Variants in GRIA1 observed in about 807,000 individuals in gnomAD.
The protein encoded by GRIA1 is glutamate receptor 1.
A neutral mutation model predicts 99.2 loss-of-function variants in GRIA1; 31 were observed. The observed-to-expected ratio is 0.31, with a 90% confidence interval of 0.23 to 0.42. GRIA1 has a LOEUF of 0.42. GRIA1 is among the 10% of genes least tolerant of loss of function. The pLI is 1.00. For missense variants in GRIA1, 782 were observed against 1,157.5 expected, an observed-to-expected ratio of 0.68 and a Z score of 4.71; for synonymous variants, 438 against 432.4, an observed-to-expected ratio of 1.01 and a Z score of -0.16.
At chr5:153,501,570 G>C (rs556103582) in intron 2 of GRIA1, among the ~76,000 whole-genome samples, 2 of 152,196 alleles carry the variant, frequency 1.3e-5, no homozygotes, top group African/African-American at 4.8e-5. Flanking sequence ...AAGCAGAGAA[G>C]TGCCGTGTTT....
intron 11 of GRIA1, among the ~76,000 whole-genome samples, chr5:153,722,592 T>G (rs896166099): frequency 5.3e-4 from 80 of 152,362 alleles, no homozygotes; most frequent in African/African-American, 1.8e-3. Flanking sequence ...TGTATACCAC[T>G]TTCACATAAA....
chr5:153,767,358 T>C (rs1239830295), intron 12 of GRIA1, among the ~76,000 whole-genome samples: 1 of 152,138 alleles, frequency 6.6e-6, no homozygotes, highest in African/African-American at 2.4e-5. Flanking sequence ...ATATAAAGCC[T>C]AAAATGAGGG....
At chr5:153,666,954 T>C (rs1276729604) in intron 5 of GRIA1, among the ~76,000 whole-genome samples, 4 of 152,170 alleles carry the variant, frequency 2.6e-5, no homozygotes, top group Admixed American at 2.6e-4. Context: ...TCACTTACTT[T>C]CTTGGTCTTC....
At chr5:153,584,704 GA>G (rs1763322322) in intron 2 of GRIA1, among the ~76,000 whole-genome samples, 1 of 152,128 alleles carries the variant, frequency 6.6e-6, no homozygotes, top group South Asian at 2.1e-4. Context: ...ATGGAAATAT[GA>G]AGCCTGTTAT....
intron 13 of GRIA1, among the ~76,000 whole-genome samples, chr5:153,778,211 G>T (rs1029336553): frequency 2.0e-5 from 3 of 151,668 alleles, no homozygotes; most frequent in African/African-American, 7.3e-5. Flanking sequence ...GTGTGTGTGT[G>T]TGTGTGTGTG....
chr5:153,584,038 T>C (rs1442663050), intron 2 of GRIA1, among the ~76,000 whole-genome samples: 1 of 152,194 alleles, frequency 6.6e-6, no homozygotes, highest in Non-Finnish European at 1.5e-5. Context: ...ACTACTCCAG[T>C]GTAACTAGAG....
chr5:153,743,648 T>C (rs1377980139), intron 11 of GRIA1, among the ~76,000 whole-genome samples: 1 of 152,098 alleles, frequency 6.6e-6, no homozygotes, highest in African/African-American at 2.4e-5. Context: ...CTTCCTCTTC[T>C]TCCTCCAGAT....
chr5:153,591,966 G>A (rs1430675589), intron 2 of GRIA1, among the ~76,000 whole-genome samples: 2 of 152,168 alleles, frequency 1.3e-5, no homozygotes, highest in African/African-American at 4.8e-5. Flanking sequence ...ACCCCTTTTA[G>A]TGTGTGAGGA....
At chr5:153,758,453 C>G (rs937845354) in intron 11 of GRIA1, among the ~76,000 whole-genome samples, 2 of 151,464 alleles carry the variant, frequency 1.3e-5, no homozygotes, top group African/African-American at 4.8e-5. Flanking sequence ...AAAATTATAA[C>G]AAAAAAGACA....
chr5:153,681,021 A>G (rs1756934564), intron 7 of GRIA1, among the ~76,000 whole-genome samples: 1 of 152,368 alleles, frequency 6.6e-6, no homozygotes, highest in South Asian at 2.1e-4. Context: ...TGGATAATGT[A>G]TAAAGAAAAA....
chr5:153,679,810 C>T (rs978974228), intron 7 of GRIA1, among the ~76,000 whole-genome samples: 26 of 152,294 alleles, frequency 1.7e-4, no homozygotes, highest in African/African-American at 6.0e-4. Flanking sequence ...TGTGTTAGAC[C>T]TGGGTTGTCT....
At chr5:153,741,252 G>A (rs1761764953) in intron 11 of GRIA1, among the ~76,000 whole-genome samples, 1 of 152,118 alleles carries the variant, frequency 6.6e-6, no homozygotes, top group African/African-American at 2.4e-5. Context: ...GGGATTACAG[G>A]CGTGAGCCAC....
At position 153,811,084 on chromosome 5, in the gene GRIA1, C is replaced by T. The variant is rs1367962573; in HGVS notation, c.2580C>T (p.Pro860=). The change falls in exon 16 of 16, where the codon CCC becomes CCT. Residue 860 remains proline (P), a synonymous_variant. Transcript: ENST00000285900. ...INEAIRTSTL[P]RNSGAGASSG... ...AAGCCATACGGACATCGACCCTCCC[C>T]CGCAACAGCGGGGCAGGAGCCAGCA... is the stretch of plus-strand genomic sequence containing the variant. 6.2e-7 allele frequency: 1 copy of T among 1,614,152 alleles called. No individual in the cohort carries two copies. The highest frequency in any genetic ancestry group is 2.2e-5 in the East Asian group (1 of 44,860).
At chr5:153,567,410 T>G (rs1761734218) in intron 2 of GRIA1, among the ~76,000 whole-genome samples, 1 of 152,220 alleles carries the variant, frequency 6.6e-6, no homozygotes, top group South Asian at 2.1e-4. Context: ...TTTAGGTAGA[T>G]TCACACTGTT....
chr5:153,744,067 T>G (rs1423812115), intron 11 of GRIA1, among the ~76,000 whole-genome samples: 1 of 152,078 alleles, frequency 6.6e-6, no homozygotes, highest in East Asian at 1.9e-4. Context: ...AAGTTGAAGG[T>G]TCCTTGGTGC....
At chr5:153,643,169 ATAAC>A (rs1430377352) in intron 2 of GRIA1, among the ~76,000 whole-genome samples, 1 of 152,216 alleles carries the variant, frequency 6.6e-6, no homozygotes, top group Non-Finnish European at 1.5e-5. Context: ...ATTTGACTAA[ATAAC>A]TAAAATATTG....
At chr5:153,500,570 T>TTC (rs3064315) in intron 2 of GRIA1, among the ~76,000 whole-genome samples, 127 of 129,156 alleles carry the variant, frequency 9.8e-4, no homozygotes, top group Middle Eastern at 8.3e-3. Context: ...CTGCCTCTCT[T>TTC]TCTCTCTCTC....
At chr5:153,677,934 AG>A (rs1318545930) in intron 7 of GRIA1, among the ~76,000 whole-genome samples, 1 of 152,208 alleles carries the variant, frequency 6.6e-6, no homozygotes, top group African/African-American at 2.4e-5. Flanking sequence ...CAAACTGCCA[AG>A]GAATAGCACT....
At chr5:153,660,751 A>G (rs192049514) in intron 5 of GRIA1, among the ~76,000 whole-genome samples, 16 of 152,304 alleles carry the variant, frequency 1.1e-4, no homozygotes, top group Admixed American at 8.5e-4. Context: ...CTGGCTCTAC[A>G]GACACACCAC....
Sources: allele counts gnomAD v4.1 joint callset (sites outside exome capture counted in the v4.1 genomes callset), GRCh38; gene constraint gnomAD v4.1.1; transcripts MANE v1.5; gene names NCBI Gene and HGNC (gene_info 2026-07-23, HGNC 2026-07-21).